FLT1: variants seen among roughly 807,000 people sequenced by gnomAD.
FLT1 encodes vascular endothelial growth factor receptor 1.
A neutral mutation model predicts 156.3 loss-of-function variants in FLT1; 49 were observed. The ratio of observed to expected loss-of-function variants is 0.31; its 90% confidence interval spans 0.25 to 0.40. FLT1 has a LOEUF of 0.40. Ranked by LOEUF, FLT1 falls within the 10% of genes least tolerant of loss-of-function variation. The probability of loss-of-function intolerance (pLI) is 1.00; values close to 1 mark genes in which losing one functional copy is unlikely to be tolerated. For synonymous variants in FLT1, 594 were observed against 583.8 expected (o/e 1.02, Z -0.25); for missense variants, 1,322 against 1,637.2 (o/e 0.81, Z 3.32).
intron 1 of FLT1, among the ~76,000 whole-genome samples, chr13:28,485,436 G>A (rs1485176135): frequency 1.3e-5 from 2 of 151,906 alleles, no homozygotes; most frequent in Admixed American, 1.3e-4. Context: ...CTCTTCTCTG[G>A]GGCCTGTTTT....
chr13:28,466,933 T>G lies in FLT1; in HGVS notation c.358A>C (p.Thr120Pro), dbSNP rs1465498282. 6.2e-7 allele frequency: 1 copy of G among 1,612,682 alleles called. No individual in the cohort carries two copies. The highest frequency in any genetic ancestry group is 1.7e-5 in the Admixed American group (1 of 60,034). ...LAVPTSKKKE[T>P]ESAIYIFISD... is the part of the protein sequence containing the mutation. Reference sequence around the variant, plus strand: ...ATAAATATATAGATTGCAGATTCTGTTTCCTTCTTCTTTGAAGTAGGTACA... The same window carrying G: ...ATAAATATATAGATTGCAGATTCTGGTTCCTTCTTCTTTGAAGTAGGTACA... Residue 120 changes from threonine (T) to proline (P), a missense_variant, in exon 3 of 30, where the codon ACA (threonine) becomes CCA (proline). This residue lies in a region of FLT1 where 991 missense variants were observed against 1,254.8 expected (regional missense o/e 0.79). Coordinates refer to ENST00000282397, the MANE Select transcript of FLT1 (RefSeq NM_002019.4).
At chr13:28,368,049 T>A in intron 14 of FLT1, 1 of 543,862 alleles carries the variant, frequency 1.8e-6, no homozygotes, top group Non-Finnish European at 2.3e-6. Context: ...CTTATTTTCA[T>A]TTTCTCTAGA....
At chr13:28,473,695 A>G (rs28881827) in intron 1 of FLT1, among the ~76,000 whole-genome samples, 206 of 135,550 alleles carry the variant, frequency 1.5e-3, no homozygotes, top group African/African-American at 2.9e-3. Context: ...GAGAGAGAGA[A>G]AGAAAAGAAA....
chr13:28,416,162 A>G (rs1019825230), intron 10 of FLT1, among the ~76,000 whole-genome samples: 1 of 152,230 alleles, frequency 6.6e-6, no homozygotes, highest in Non-Finnish European at 1.5e-5. Flanking sequence ...CCATTTGTAG[A>G]TGAGGAAACC....
intron 3 of FLT1, among the ~76,000 whole-genome samples, chr13:28,453,593 T>C (rs887239259): frequency 2.6e-5 from 4 of 152,170 alleles, no homozygotes; most frequent in Non-Finnish European, 5.9e-5. Flanking sequence ...GGCCTTTACA[T>C]GTATTCCTGT....
intron 25 of FLT1, 33 bp downstream of exon 25, chr13:28,317,465 T>G: frequency 7.4e-7 from 1 of 1,354,378 alleles, no homozygotes; most frequent in South Asian, 1.2e-5. Context: ...AAGCGAGCTG[T>G]CAGATGGGGA....
chr13:28,427,085 G>T, intron 10 of FLT1, 74 bp downstream of exon 10: 4 of 1,334,998 alleles, frequency 3.0e-6, no homozygotes, highest in Non-Finnish European at 4.3e-6. Flanking sequence ...ATTCCCATCT[G>T]CGTCCATTAA....
intron 15 of FLT1, among the ~76,000 whole-genome samples, chr13:28,352,214 T>C (rs759227602): frequency 6.6e-5 from 10 of 152,238 alleles, no homozygotes; most frequent in Non-Finnish European, 1.2e-4. Flanking sequence ...TGTGTAACCC[T>C]GGACAAGTCA....
chr13:28,485,189 G>T (rs2137663358), intron 1 of FLT1, among the ~76,000 whole-genome samples: 1 of 152,210 alleles, frequency 6.6e-6, no homozygotes, highest in East Asian at 1.9e-4. Context: ...AGTAGGGTTT[G>T]GTTGCCTCCT....
intron 14 of FLT1, among the ~76,000 whole-genome samples, chr13:28,370,588 T>C (rs961411822): frequency 2.0e-5 from 3 of 152,230 alleles, no homozygotes; most frequent in African/African-American, 7.2e-5. Context: ...AATGAAAGCA[T>C]CTTTGTGCGC....
At chr13:28,413,880 A>G (rs1415797679) in intron 10 of FLT1, among the ~76,000 whole-genome samples, 1 of 152,242 alleles carries the variant, frequency 6.6e-6, no homozygotes. Flanking sequence ...TCATGGTTTT[A>G]TAACATCCTA....
chr13:28,420,752 A>G (rs1301478579), intron 10 of FLT1, among the ~76,000 whole-genome samples: 2 of 152,206 alleles, frequency 1.3e-5, no homozygotes, highest in East Asian at 3.8e-4. Context: ...ATTTCTAATT[A>G]ACTACCATTA....
intron 1 of FLT1, among the ~76,000 whole-genome samples, chr13:28,489,213 G>A (rs867944625): frequency 2.0e-5 from 3 of 152,194 alleles, no homozygotes; most frequent in African/African-American, 4.8e-5. Flanking sequence ...GTAATCCCTT[G>A]TAAATGAGGC....
intron 3 of FLT1, among the ~76,000 whole-genome samples, chr13:28,466,099 A>G (rs548643751): frequency 1.3e-5 from 2 of 151,844 alleles, no homozygotes; most frequent in Admixed American, 6.6e-5. Flanking sequence ...TCCCCTCAAG[A>G]TTTGAAAATT....
chr13:28,469,305 A>G (rs1476067038), intron 1 of FLT1, among the ~76,000 whole-genome samples: 1 of 152,256 alleles, frequency 6.6e-6, no homozygotes, highest in Non-Finnish European at 1.5e-5. Flanking sequence ...AGGGTTTACC[A>G]TTAGGTCACA....
At chr13:28,414,441 T>C (rs1476421319) in intron 10 of FLT1, among the ~76,000 whole-genome samples, 4 of 152,222 alleles carry the variant, frequency 2.6e-5, no homozygotes, top group African/African-American at 4.8e-5. Context: ...TCTTACTAGT[T>C]TTATTACAGG....
At chr13:28,417,509 T>C (rs1312324866) in intron 10 of FLT1, among the ~76,000 whole-genome samples, 2 of 152,160 alleles carry the variant, frequency 1.3e-5, no homozygotes, top group Non-Finnish European at 2.9e-5. Flanking sequence ...TACAGTGTTA[T>C]GGTGGAAATA....
chr13:28,386,944 C>T (rs911355455), intron 13 of FLT1: 33 of 1,044,082 alleles, frequency 3.2e-5, no homozygotes, highest in East Asian at 5.6e-5. Flanking sequence ...CACTGCCCAT[C>T]GGTCTTGTAA....
At chr13:28,352,119 T>C (rs1872751824) in intron 15 of FLT1, among the ~76,000 whole-genome samples, 1 of 151,988 alleles carries the variant, frequency 6.6e-6, no homozygotes, top group East Asian at 1.9e-4. Context: ...TACCTTAGAG[T>C]TGAGGTATAG....
Sources: gnomAD v4.1 joint callset for allele counts (sites outside exome capture counted in the v4.1 genomes callset) on GRCh38, gnomAD v4.1.1 for gene constraint, gnomAD v4.1.1 regional missense constraint, MANE v1.5 for transcripts, NCBI Gene and HGNC (gene_info 2026-07-23, HGNC 2026-07-21) for gene names.